CCDC80: variants seen among roughly 807,000 people sequenced by gnomAD.
CCDC80 encodes coiled-coil domain-containing protein 80.
Under a neutral mutation model 78.7 loss-of-function variants are expected in CCDC80, and 49 were observed. That is an observed-to-expected ratio of 0.62 (90% CI 0.50 to 0.79). CCDC80 has a LOEUF of 0.79. CCDC80 is among the 30% of genes least tolerant of loss of function. The pLI is 0.00. For synonymous variants in CCDC80, 488 were observed against 447.0 expected, an observed-to-expected ratio of 1.09 and a Z score of -1.16; for missense variants, 1,205 against 1,198.6, an observed-to-expected ratio of 1.01 and a Z score of -0.08.
Position 112,607,168 on chromosome 3 carries a change from C to CT in CCDC80, c.2506+7_2506+8insA. The CT allele has an allele frequency of 6.3e-7, 1 of 1,596,708 alleles. No individual in the cohort carries two copies. The highest frequency in any genetic ancestry group is 8.6e-7 in the Non-Finnish European group (1 of 1,167,278). The stretch of plus-strand genomic sequence containing the variant: ...AGTTCATACTGTTTCAAGATAACAA[C>CT]ACATTACCATTAATTGGGAACAGTT... On this transcript the variant is annotated splice_region_variant and intron_variant, in intron 7 of 7. Transcript: ENST00000206423.
In CCDC80 at chr3:112,605,540, C is replaced by T. The variant is rs745907186; in HGVS notation, c.2730G>A (p.Gly910=). The T allele has an allele frequency of 2.5e-6, 4 of 1,614,042 alleles. No individual in the cohort carries two copies. Among genetic ancestry groups the T allele is most frequent in the Non-Finnish European group, 3.4e-6 (4 of 1,180,020 alleles). ...CATACTCATCTTCTGGGCAGCGCAT[C>T]CCCAGTGACTGCTGAATCGCCATTT... The part of the protein sequence containing the change: ...RQEMAIQQSL[G]MRCPEDEYAG... Residue 910 remains glycine, a synonymous_variant, in exon 8 of 8, where the codon GGG becomes GGA. Coordinates refer to ENST00000206423, the MANE Select transcript of CCDC80 (RefSeq NM_199511.3).
At position 112,639,426 on chromosome 3, in the gene CCDC80, C is replaced by G. The variant is rs1163077370; in HGVS notation, c.480G>C (p.Ser160=). The change falls in exon 2 of 8, where the codon TCG becomes TCC. Residue 160 remains serine, a synonymous_variant. Transcript: ENST00000206423. ...TCATCATGAGGCGGTAGTAGCCTTC[C>G]GAGGCATGAGGGGCTGAGATGACCC... ...RVWVISAPHA[S]EGYYRLMMSL... 6.2e-7 allele frequency: 1 copy of G among 1,614,148 alleles called. No individual in the cohort carries two copies.
rs545118502 is a variant in CCDC80, at chr3:112,602,104, C to T, written c.*3313G>A. 3 of 152,208 alleles carry T rather than the reference C, an allele frequency of 2.0e-5. No individual in the cohort carries two copies. Among genetic ancestry groups the T allele is most frequent in the African/African-American group, 7.2e-5 (3 of 41,530 alleles). 9.4% of individuals were successfully genotyped at this position (152,208 alleles called of 1,614,324 possible). On this transcript the variant is annotated 3_prime_UTR_variant, in exon 8 of 8. Transcript: ENST00000206423. ...CTGTGTCACATTTTGGTAATTCTTG[C>T]CATATTTCACACTGTTTCATTATTA...
In CCDC80 at chr3:112,639,439, G is replaced by A. The variant is rs368965272; in HGVS notation, c.467C>T (p.Ala156Val). ...GTAGTAGCCTTCCGAGGCATGAGGG[G>A]CTGAGATGACCCATACTCTGTTCTT... is the stretch of plus-strand genomic sequence containing the variant. ...AGKNRVWVIS[A>V]PHASEGYYRL... Residue 156 changes from alanine (A) to valine (V), a missense_variant, in exon 2 of 8, where the codon GCC becomes GTC. Coordinates refer to ENST00000206423, the MANE Select transcript of CCDC80 (RefSeq NM_199511.3). 7 of 1,614,056 alleles carry A rather than the reference G, an allele frequency of 4.3e-6. No homozygotes were observed. The Admixed American group carries it at 6.7e-5, about 15-fold the overall frequency.
intron 5 of CCDC80, among the ~76,000 whole-genome samples, chr3:112,611,147 T>C (rs1043283166): frequency 6.6e-6 from 1 of 152,120 alleles, no homozygotes; most frequent in Non-Finnish European, 1.5e-5. Context: ...TCTCCTGACC[T>C]GGTGATCTGC....
At chr3:112,637,899 C>T in intron 2 of CCDC80, 129 bp downstream of exon 2, 1 of 1,426,162 alleles carries the variant, frequency 7.0e-7, no homozygotes, top group Admixed American at 2.8e-5. Context: ...GACTTCTGAG[C>T]TTCTTGACAC....
Position 112,603,917 on chromosome 3 carries a change from C to T in CCDC80, c.*1500G>A, listed in dbSNP as rs1386412550. 1 of 152,140 alleles carries T rather than the reference C, an allele frequency of 6.6e-6. No individual in the cohort carries two copies. Among genetic ancestry groups the T allele is most frequent in the East Asian group, 1.9e-4 (1 of 5,196 alleles). The allele number at this position is 152,140 out of a possible 1,614,324, so 9.4% of individuals were successfully genotyped here. A position where few individuals can be genotyped will look rare whatever the true frequency, so the allele number is the denominator to read the frequency against. ...GAGTTCGGAAACTGATTCCATCCCT[C>T]ATGGATGATTTTAAGAGGCCCAAGA... On this transcript the variant is annotated 3_prime_UTR_variant, in exon 8 of 8. Transcript: ENST00000206423.
Position 112,638,200 on chromosome 3 carries a change from A to C in CCDC80, c.1706T>G (p.Met569Arg). 6.2e-7 allele frequency: 1 copy of C among 1,612,144 alleles called. No individual in the cohort carries two copies. Among genetic ancestry groups the C allele is most frequent in the Non-Finnish European group, 8.5e-7 (1 of 1,178,896 alleles). The change falls in exon 2 of 8, where the codon ATG (methionine) becomes AGG (arginine). Residue 569 changes from methionine to arginine, a missense_variant. Coordinates refer to ENST00000206423, the MANE Select transcript of CCDC80 (RefSeq NM_199511.3). ...CTTGCTCTTTTTCTCAGACTTCTTC[A>C]TTTGCTTTTCACTCTTAAGTAACTT... ...ADKLLKSEKQMKKSEKKSKQE... is the reference protein window; with the variant it reads ...ADKLLKSEKQRKKSEKKSKQE...
intron 5 of CCDC80, among the ~76,000 whole-genome samples, chr3:112,610,894 T>G (rs1935609231): frequency 6.8e-6 from 1 of 146,808 alleles, no homozygotes; most frequent in Non-Finnish European, 1.5e-5. Flanking sequence ...TTTTTCCTTA[T>G]TTCTTTTCTT....
At chr3:112,636,245 G>A (rs1387254588) in intron 2 of CCDC80, among the ~76,000 whole-genome samples, 1 of 152,128 alleles carries the variant, frequency 6.6e-6, no homozygotes, top group Non-Finnish European at 1.5e-5. Context: ...AGACATTCAA[G>A]TATCAGGTAG....
intron 5 of CCDC80, among the ~76,000 whole-genome samples, chr3:112,613,667 TCTGTAG>T (rs1335348468): frequency 6.6e-6 from 1 of 152,120 alleles, no homozygotes; most frequent in East Asian, 1.9e-4. Flanking sequence ...TCTGAGGATG[TCTGTAG>T]CTGCCAGTCT....
intron 3 of CCDC80, among the ~76,000 whole-genome samples, chr3:112,622,160 C>T (rs1246716013): frequency 1.3e-5 from 2 of 152,120 alleles, no homozygotes; most frequent in African/African-American, 2.4e-5. Flanking sequence ...GTAGAAAGGA[C>T]CCAGGACCAA....
rs1252966566 is a variant in CCDC80 at position 112,604,524 on chromosome 3, T to C, written c.*893A>G. The C allele has an allele frequency of 6.6e-6, 1 of 152,236 alleles. No homozygotes were observed. The highest frequency in any genetic ancestry group is 1.5e-5 in the Non-Finnish European group (1 of 68,052). 9.4% of individuals were successfully genotyped at this position (152,236 alleles called of 1,614,324 possible). A position where few individuals can be genotyped will look rare whatever the true frequency, so the allele number is the denominator to read the frequency against. On this transcript the variant is annotated 3_prime_UTR_variant, in exon 8 of 8. Transcript: ENST00000206423. ...ACACTTAATAGACTACTAAAGAGTGTAAACATAACTTTTATATGCACTGAG... is the reference window on the plus strand; with the variant it reads ...ACACTTAATAGACTACTAAAGAGTGCAAACATAACTTTTATATGCACTGAG...
rs1936239153 is a variant in CCDC80, at chr3:112,637,960, C to A, written c.1878+68G>T. On this transcript the variant is annotated intron_variant, in intron 2 of 7. Coordinates refer to ENST00000206423, the MANE Select transcript of CCDC80 (RefSeq NM_199511.3). ...ATCTAGCAATATGATTTTTACAAAA[C>A]TAACAAGACAGACGTTAACATGCCC... The A allele has an allele frequency of 2.0e-5, 30 of 1,530,568 alleles. 1 individual carries two copies. The South Asian group carries it at 4.0e-4, about 20-fold the overall frequency. 94.8% of individuals were successfully genotyped at this position (1,530,568 alleles called of 1,614,324 possible). A position where few individuals can be genotyped will look rare whatever the true frequency, so the allele number is the denominator to read the frequency against.
chr3:112,621,340 C>A (rs1935864346), intron 3 of CCDC80, among the ~76,000 whole-genome samples: 1 of 152,136 alleles, frequency 6.6e-6, no homozygotes, highest in African/African-American at 2.4e-5. Flanking sequence ...GCCAAGTTAC[C>A]CTGTTCTCAT....
chr3:112,624,113 T>C (rs1271847779), intron 3 of CCDC80, among the ~76,000 whole-genome samples: 5 of 152,146 alleles, frequency 3.3e-5, no homozygotes. Context: ...AAGGTATAGA[T>C]AAGGTGAGTG....
At position 112,639,686 on chromosome 3, in the gene CCDC80, G is replaced by C; in HGVS notation, c.220C>G (p.Leu74Val). Residue 74 changes from leucine (L) to valine (V), a missense_variant, in exon 2 of 8, where the codon CTC (leucine) becomes GTC (valine). Leu to Val is a conservative substitution (Grantham distance 32, BLOSUM62 1). Coordinates refer to ENST00000206423, the MANE Select transcript of CCDC80 (RefSeq NM_199511.3). ...ACGGGCACACTCCTCCTTCTCTGGA[G>C]AGGCTGAAGGTTTGGTTCCTCCAGA... ...STLEEPNLQP[L>V]QRRRSVPVLR... is the part of the protein sequence containing the mutation. 1 of 1,614,194 alleles carries C rather than the reference G, an allele frequency of 6.2e-7. No individual in the cohort carries two copies.
chr3:112,599,988 T>C lies in CCDC80; in HGVS notation c.*5429A>G, dbSNP rs2107463614. 6.6e-6 allele frequency: 1 copy of C among 152,358 alleles called. No homozygotes were observed. The highest frequency in any genetic ancestry group is 2.4e-5 in the African/African-American group (1 of 41,580). The allele number at this position is 152,358 out of a possible 1,614,324, so 9.4% of individuals were successfully genotyped here. A position where few individuals can be genotyped will look rare whatever the true frequency, so the allele number is the denominator to read the frequency against. On this transcript the variant is annotated 3_prime_UTR_variant, in exon 8 of 8. Transcript: ENST00000206423. Reference sequence around the variant, plus strand: ...TAATCCCATAATCTTTCTCAAAAATTATAAAACTGTATTTTATTTTTCTCA... The same window carrying C: ...TAATCCCATAATCTTTCTCAAAAATCATAAAACTGTATTTTATTTTTCTCA...
Position 112,616,792 on chromosome 3 carries a change from T to C in CCDC80, c.2239A>G (p.Ile747Val), listed in dbSNP as rs746720157. Reference protein sequence around the residue: ...FDLIDTFQSRIKDMEKQKKEG... With the variant: ...FDLIDTFQSRVKDMEKQKKEG... ...TTCTTCTGCTTCTCCATATCTTTGA[T>C]TCGGGACTGGAAAGTATCGATCAGA... The change falls in exon 5 of 8, where the codon ATC (isoleucine) becomes GTC (valine). Residue 747 changes from isoleucine (I) to valine (V), a missense_variant. Ile to Val is a conservative substitution (Grantham distance 29). Coordinates refer to ENST00000206423, the MANE Select transcript of CCDC80 (RefSeq NM_199511.3). The C allele has an allele frequency of 1.2e-5, 20 of 1,614,214 alleles. No homozygotes were observed. Among genetic ancestry groups the C allele is most frequent in the Non-Finnish European group, 1.7e-5 (20 of 1,180,024 alleles).
Sources: allele counts gnomAD v4.1 joint callset (sites outside exome capture counted in the v4.1 genomes callset), GRCh38; gene constraint gnomAD v4.1.1; transcripts MANE v1.5; gene names NCBI Gene and HGNC (gene_info 2026-07-23, HGNC 2026-07-21).